Variants in ITPK1 observed in about 807,000 individuals in gnomAD.
The protein encoded by ITPK1 is inositol-tetrakisphosphate 1-kinase.
In ITPK1, 21 loss-of-function variants were observed where a neutral mutation model predicts 45.3. That is an observed-to-expected ratio of 0.46 (90% CI 0.33 to 0.67). The LOEUF (loss-of-function observed/expected upper bound fraction) is 0.67. ITPK1 is among the 30% of genes least tolerant of loss of function. The pLI is 0.02. For missense variants in ITPK1, 474 were observed against 573.5 expected (o/e 0.83, Z 1.77); for synonymous variants, 258 against 253.6 (o/e 1.02, Z -0.16).
chr14:93,012,280 T>C lies in ITPK1; in HGVS notation c.246+4396A>G, dbSNP rs960395584. Among the ~76,000 whole-genome samples, 30 of 152,118 alleles carry C rather than the reference T, an allele frequency of 2.0e-4. No homozygotes were observed. The highest frequency in any genetic ancestry group is 3.3e-4 in the Admixed American group (5 of 15,286). ...AAGAATTACGAACTTCCGAAGGGCA[T>C]GAAGGAAAAGTGCAAAGTTGGCAGG... On this transcript the variant is annotated intron_variant, in intron 4 of 10. Coordinates refer to ENST00000267615, the MANE Select transcript of ITPK1 (RefSeq NM_014216.6). The surrounding 1 kb of genome is among the most constrained non-coding windows in gnomAD (Gnocchi z 4.9).
At chr14:93,008,271 C>T (rs892674207) in intron 4 of ITPK1, among the ~76,000 whole-genome samples, 1 of 152,210 alleles carries the variant, frequency 6.6e-6, no homozygotes, top group Non-Finnish European at 1.5e-5. Flanking sequence ...GTTACCTTGT[C>T]CTCTATTTAC....
chr14:92,947,022 G>A (rs1887724061), intron 9 of ITPK1, among the ~76,000 whole-genome samples: 1 of 152,216 alleles, frequency 6.6e-6, no homozygotes, highest in Non-Finnish European at 1.5e-5. Context: ...AGGCAAAGGT[G>A]CTGAGGCCAG....
In ITPK1 at chr14:93,085,805, C is replaced by T. The variant is rs528287669; in HGVS notation, c.96-9186G>A. 5.9e-5 allele frequency among the ~76,000 whole-genome samples: 9 copies of T among 152,322 alleles called. No homozygotes were observed. The South Asian group carries it at 1.9e-3, about 32-fold the overall frequency. On this transcript the variant is annotated intron_variant, in intron 2 of 10. Coordinates refer to ENST00000267615, the MANE Select transcript of ITPK1 (RefSeq NM_014216.6). ...CCCCGCTTTTTAGTGTGGAAATTCT[C>T]GACTTGAAATTGTTTTTGAGTCTTT...
In ITPK1 at chr14:93,014,200, C is replaced by T. The variant is rs1275808202; in HGVS notation, c.246+2476G>A. Among the ~76,000 whole-genome samples, 1 of 152,238 alleles carries T rather than the reference C, an allele frequency of 6.6e-6. No individual in the cohort carries two copies. Among genetic ancestry groups the T allele is most frequent in the Non-Finnish European group, 1.5e-5 (1 of 68,038 alleles). On this transcript the variant is annotated intron_variant, in intron 4 of 10. Coordinates refer to ENST00000267615, the MANE Select transcript of ITPK1 (RefSeq NM_014216.6). The surrounding 1 kb of genome is among the most constrained non-coding windows in gnomAD (Gnocchi z 4.4). ...CATCCCCCAAGACCCAGACAAGACA[C>T]TGCCTGAGAAATGCACCTGTGGCTG...
At chr14:93,099,622 G>A (rs1432113898) in intron 2 of ITPK1, among the ~76,000 whole-genome samples, 2 of 152,214 alleles carry the variant, frequency 1.3e-5, no homozygotes, top group African/African-American at 4.8e-5. Context: ...GGCTGGCCGT[G>A]GGAATAAGCC....
intron 4 of ITPK1, among the ~76,000 whole-genome samples, chr14:93,006,317 G>A (rs1887612717): frequency 6.6e-6 from 1 of 152,202 alleles, no homozygotes; most frequent in African/African-American, 2.4e-5. Flanking sequence ...TCCCCTCCCT[G>A]GTGAACAGAA....
Position 93,012,162 on chromosome 14 carries a change from CACTT to C in ITPK1, c.246+4510_246+4513del, listed in dbSNP as rs1566733768. 6.6e-6 allele frequency among the ~76,000 whole-genome samples: 1 copy of C among 152,230 alleles called. No homozygotes were observed. Among genetic ancestry groups the C allele is most frequent in the African/African-American group, 2.4e-5 (1 of 41,462 alleles). ...CACTGGGCATGCGCCGCCACCCAAA[CACTT>C]AGGCACTGCAGGCGGCAATGGGAAC... On this transcript the variant is annotated intron_variant, in intron 4 of 10. Transcript: ENST00000267615. The surrounding 1 kb of genome is among the most constrained non-coding windows in gnomAD (Gnocchi z 4.9).
intron 10 of ITPK1, among the ~76,000 whole-genome samples, chr14:92,942,734 G>A (rs1887495119): frequency 6.6e-6 from 1 of 152,232 alleles, no homozygotes; most frequent in Non-Finnish European, 1.5e-5. Context: ...GCGAACATCA[G>A]CAGAGCCCTC....
intron 4 of ITPK1, among the ~76,000 whole-genome samples, chr14:93,009,839 T>G (rs980212470): frequency 6.6e-6 from 1 of 151,958 alleles, no homozygotes; most frequent in African/African-American, 2.4e-5. Flanking sequence ...GGCCCTGAAA[T>G]CACCAACCCT....
At chr14:93,102,821 C>A (rs1892371566) in intron 2 of ITPK1, among the ~76,000 whole-genome samples, 2 of 152,128 alleles carry the variant, frequency 1.3e-5, no homozygotes, top group Non-Finnish European at 1.5e-5. Context: ...AGAAACAAGT[C>A]TGGGAGTGGT....
chr14:93,085,367 G>A (rs2139997384), intron 2 of ITPK1, among the ~76,000 whole-genome samples: 1 of 152,174 alleles, frequency 6.6e-6, no homozygotes, highest in South Asian at 2.1e-4. Context: ...CCCCCGACCG[G>A]GTGCCCCACC....
intron 4 of ITPK1, among the ~76,000 whole-genome samples, chr14:93,008,461 T>G (rs1353989193): frequency 1.3e-5 from 2 of 152,222 alleles, no homozygotes; most frequent in Non-Finnish European, 2.9e-5. Flanking sequence ...TGATGAATGA[T>G]CTCACAGATC....
chr14:92,952,105 G>A, intron 8 of ITPK1, 92 bp from the exon 9 acceptor site: 1 of 1,020,688 alleles, frequency 9.8e-7, no homozygotes, highest in Admixed American at 2.0e-5. Context: ...ATCACCCCAG[G>A]CACACAACAC....
chr14:92,959,482 G>A (rs1235101222), intron 7 of ITPK1, among the ~76,000 whole-genome samples: 2 of 152,232 alleles, frequency 1.3e-5, no homozygotes, highest in Admixed American at 6.5e-5. Flanking sequence ...GTGTGTGTCT[G>A]TGCTGGGGGC....
intron 7 of ITPK1, among the ~76,000 whole-genome samples, chr14:92,961,812 G>A (rs768106070): frequency 1.3e-5 from 2 of 152,234 alleles, no homozygotes; most frequent in Non-Finnish European, 2.9e-5. Flanking sequence ...GGTCTTGAGG[G>A]CAGGGCCCTC....
At chr14:93,074,523 G>C (rs1053771742) in intron 3 of ITPK1, among the ~76,000 whole-genome samples, 1 of 152,218 alleles carries the variant, frequency 6.6e-6, no homozygotes, top group African/African-American at 2.4e-5. Context: ...ATGGGGGAAG[G>C]CTGTCTTGCC....
chr14:93,115,038 C>T (rs1595231060), intron 2 of ITPK1, 31 bp downstream of exon 2: 5 of 1,467,338 alleles, frequency 3.4e-6, no homozygotes, highest in South Asian at 1.2e-5. Flanking sequence ...GGCCGGGGGT[C>T]CCCGGGCGCC....
rs539689822 is a variant in ITPK1 at position 93,007,798 on chromosome 14, G to A, written c.246+8878C>T. On this transcript the variant is annotated intron_variant, in intron 4 of 10. Coordinates refer to ENST00000267615, the MANE Select transcript of ITPK1 (RefSeq NM_014216.6). ...GCGGGCATGCTCAGAAGTGGGAGTC[G>A]TCCTGCCGCCCCAGGAGCTCCTCCC... 2.4e-3 allele frequency among the ~76,000 whole-genome samples: 370 copies of A among 152,320 alleles called. 1 individual carries two copies. The highest frequency in any genetic ancestry group is 8.1e-3 in the African/African-American group (337 of 41,572).
chr14:93,105,834 GC>G lies in ITPK1; in HGVS notation c.95+9234del. Reference sequence around the variant, plus strand: ...TTCTCCTGCCTCAGCCTCCCGAGCAGCTGGGATTACAGGTGCCAGTCACCAC... The same window carrying G: ...TTCTCCTGCCTCAGCCTCCCGAGCAGTGGGATTACAGGTGCCAGTCACCAC... On this transcript the variant is annotated intron_variant, in intron 2 of 10. Transcript: ENST00000267615. Among the ~76,000 whole-genome samples the G allele has an allele frequency of 1.3e-5, 2 of 151,748 alleles. 1 individual carries two copies. Among genetic ancestry groups the G allele is most frequent in the East Asian group, 3.9e-4 (2 of 5,158 alleles).
Sources: allele counts gnomAD v4.1 joint callset (sites outside exome capture counted in the v4.1 genomes callset), GRCh38; gene constraint gnomAD v4.1.1; non-coding constraint Gnocchi (gnomAD v3.1); transcripts MANE v1.5; gene names NCBI Gene and HGNC (gene_info 2026-07-23, HGNC 2026-07-21).